The following NT5M variants were observed in gnomAD, a reference collection of about 807,000 sequenced individuals.
NT5M encodes the protein 5',3'-nucleotidase, mitochondrial, also known as 5'(3')-deoxyribonucleotidase, mitochondrial.
Under a neutral mutation model 22.2 loss-of-function variants are expected in NT5M, and 22 were observed. The ratio of observed to expected loss-of-function variants is 0.99; its 90% CI spans 0.71 to 1.41. The LOEUF is 1.41. Among genes scored for constraint, NT5M ranks in the 40% most tolerant of loss-of-function variants. NT5M has a pLI of 0.00. For missense variants in NT5M, 322 were observed against 314.8 expected, an observed-to-expected ratio of 1.02 and a Z score of -0.17; for synonymous variants, 167 against 133.0, an observed-to-expected ratio of 1.26 and a Z score of -1.76.
In NT5M at chr17:17,327,741, C is replaced by T. The variant is rs573389960; in HGVS notation, c.429+4496C>T. Among the ~76,000 whole-genome samples the T allele has an allele frequency of 5.6e-5, 6 of 106,404 alleles. 3 individuals carry two copies. The highest frequency in any genetic ancestry group is 0.011 in the Middle Eastern group (2 of 190). 69.8% of individuals were successfully genotyped at this position (106,404 alleles called of 152,430 possible). A position where few individuals can be genotyped will look rare whatever the true frequency, so the allele number is the denominator to read the frequency against. The stretch of plus-strand genomic sequence containing the variant: ...CTATGTTGGTCAGGCTGGTCTCAAA[C>T]TCCTGACCTTGTGATCCACCTGCCT... On this transcript the variant is annotated intron_variant, in intron 3 of 4. Transcript: ENST00000389022.
intron 1 of NT5M, chr17:17,304,033 C>G: frequency 4.2e-6 from 5 of 1,197,130 alleles, no homozygotes; most frequent in Non-Finnish European, 5.2e-6. Context: ...TCTGAAAATG[C>G]GGGAGAGTAC....
chr17:17,303,455 TG>T lies in NT5M; in HGVS notation c.-91del. On this transcript the variant is annotated 5_prime_UTR_variant, in exon 1 of 5. Transcript: ENST00000389022. ...CCGCGCTCCACGCGCGCCCCAGCGT[TG>T]GGGGCTTCTCCTCCGCGGCGGGAAT... 1 of 1,000,016 alleles carries T rather than the reference TG, an allele frequency of 1.0e-6. No individual in the cohort carries two copies. Among genetic ancestry groups the T allele is most frequent in the Non-Finnish European group, 1.2e-6 (1 of 840,562 alleles). The allele number at this position is 1,000,016 out of a possible 1,614,324, so 61.9% of individuals were successfully genotyped here. A position where few individuals can be genotyped will look rare whatever the true frequency, so the allele number is the denominator to read the frequency against.
At chr17:17,313,948 C>T (rs2048971249) in intron 2 of NT5M, among the ~76,000 whole-genome samples, 1 of 152,184 alleles carries the variant, frequency 6.6e-6, no homozygotes. Flanking sequence ...ATAGGGCTTC[C>T]CTGGGCAGAG....
chr17:17,330,085 G>T (rs2049345122), intron 3 of NT5M, among the ~76,000 whole-genome samples: 1 of 152,160 alleles, frequency 6.6e-6, no homozygotes, highest in South Asian at 2.1e-4. Flanking sequence ...CAGATCATGA[G>T]GTCAGGAGAT....
intron 2 of NT5M, among the ~76,000 whole-genome samples, chr17:17,310,705 G>T (rs535478798): frequency 6.0e-4 from 90 of 149,324 alleles, no homozygotes; most frequent in African/African-American, 2.2e-3. Context: ...AGGCATAGTG[G>T]TGCGTGCCTG....
rs746463322 is a variant in NT5M at position 17,306,634 on chromosome 17, G to A, written c.359G>A (p.Ser120Asn). ...GTGGAAGCTGTCAAGGAGATGGCCAGCCTACAAAAGTAAGTTTGTCCTCCC... is the reference window on the plus strand; with the variant it reads ...GTGGAAGCTGTCAAGGAGATGGCCAACCTACAAAAGTAAGTTTGTCCTCCC... ...GAVEAVKEMA[S>N]LQNTDVFICT... is the part of the protein sequence containing the mutation. Residue 120 changes from serine (S) to asparagine (N), a missense_variant, in exon 2 of 5, where the codon AGC becomes AAC. Coordinates refer to ENST00000389022, the MANE Select transcript of NT5M (RefSeq NM_020201.4). 3.1e-6 allele frequency: 5 copies of A among 1,612,586 alleles called. No individual in the cohort carries two copies. The highest frequency in any genetic ancestry group is 4.2e-6 in the Non-Finnish European group (5 of 1,178,776).
chr17:17,344,489 G>C (rs1013148361), intron 3 of NT5M, among the ~76,000 whole-genome samples: 1 of 152,210 alleles, frequency 6.6e-6, no homozygotes, highest in African/African-American at 2.4e-5. Context: ...TCTGCTCCCT[G>C]TGTTTGGGTT....
At chr17:17,341,535 C>G (rs997473828) in intron 3 of NT5M, among the ~76,000 whole-genome samples, 1 of 152,162 alleles carries the variant, frequency 6.6e-6, no homozygotes, top group Non-Finnish European at 1.5e-5. Flanking sequence ...CACTAAATCC[C>G]CGAAGGCACT....
intron 3 of NT5M, among the ~76,000 whole-genome samples, chr17:17,333,895 A>C (rs1289857023): frequency 6.8e-6 from 1 of 146,020 alleles, no homozygotes; most frequent in Non-Finnish European, 1.5e-5. Flanking sequence ...GTGCAGTGGC[A>C]CAATCTCGGC....
chr17:17,311,189 T>TTAG (rs1389830406), intron 2 of NT5M, among the ~76,000 whole-genome samples: 1 of 151,854 alleles, frequency 6.6e-6, no homozygotes, highest in Non-Finnish European at 1.5e-5. Flanking sequence ...ACAAAAATAA[T>TTAG]TAGCTGGGTG....
At chr17:17,323,768 G>A (rs1007066076) in intron 3 of NT5M, among the ~76,000 whole-genome samples, 7 of 152,198 alleles carry the variant, frequency 4.6e-5, no homozygotes, top group South Asian at 2.1e-4. Flanking sequence ...AGCTCTTCCC[G>A]AGCTGAGGAA....
intron 2 of NT5M, among the ~76,000 whole-genome samples, chr17:17,307,642 A>T (rs552223598): frequency 1.3e-5 from 2 of 150,038 alleles, no homozygotes; most frequent in African/African-American, 4.9e-5. Flanking sequence ...GATTGCCTGA[A>T]CTCAGGAGTT....
chr17:17,308,418 C>T (rs964061153), intron 2 of NT5M, among the ~76,000 whole-genome samples: 1 of 151,932 alleles, frequency 6.6e-6, no homozygotes, highest in Non-Finnish European at 1.5e-5. Context: ...ATGGTGAAAC[C>T]CCATCTCTAC....
intron 3 of NT5M, among the ~76,000 whole-genome samples, chr17:17,340,843 C>T (rs1013228844): frequency 1.3e-5 from 2 of 151,992 alleles, no homozygotes; most frequent in African/African-American, 4.8e-5. Flanking sequence ...TTTTCTGTTT[C>T]TTTAGGATGC....
chr17:17,306,743 T>A, intron 2 of NT5M, 100 bp downstream of exon 2: 1 of 856,620 alleles, frequency 1.2e-6, no homozygotes, highest in Non-Finnish European at 2.0e-6. Context: ...CTCCTTTCTC[T>A]CTCCTTGGCC....
rs528877902 is a variant in NT5M at position 17,323,027 on chromosome 17, C to G, written c.369-158C>G. Among the ~76,000 whole-genome samples the G allele has an allele frequency of 5.3e-5, 8 of 152,298 alleles. No individual in the cohort carries two copies. In the South Asian group the frequency reaches 1.7e-3, roughly 32 times the overall value. On this transcript the variant is annotated intron_variant, in intron 2 of 4. Coordinates refer to ENST00000389022, the MANE Select transcript of NT5M (RefSeq NM_020201.4). ...CCAGGGCCATGGGATAGGCCGACAC[C>G]TCTGGTGTGGATATAGTACAGGGGA...
chr17:17,311,751 AC>A (rs1424740017), intron 2 of NT5M, among the ~76,000 whole-genome samples: 1 of 152,172 alleles, frequency 6.6e-6, no homozygotes, highest in Non-Finnish European at 1.5e-5. Flanking sequence ...TGAATCGTAG[AC>A]CTTATTTGGT....
intron 2 of NT5M, among the ~76,000 whole-genome samples, chr17:17,311,778 G>C (rs1296336443): frequency 1.3e-5 from 2 of 152,208 alleles, no homozygotes; most frequent in African/African-American, 4.8e-5. Context: ...TTTATCTTTG[G>C]ATGTGAGTCC....
intron 2 of NT5M, among the ~76,000 whole-genome samples, chr17:17,312,217 C>G (rs1046187165): frequency 2.0e-5 from 3 of 152,200 alleles, no homozygotes; most frequent in African/African-American, 7.2e-5. Flanking sequence ...AGAAAGGCAT[C>G]CTTAAGCCAC....
Sources: gnomAD v4.1 joint callset for allele counts (sites outside exome capture counted in the v4.1 genomes callset) on GRCh38, gnomAD v4.1.1 for gene constraint, MANE v1.5 for transcripts, NCBI Gene and HGNC (gene_info 2026-07-23, HGNC 2026-07-21) for gene names.